The following CNTNAP4 variants were observed in gnomAD, a reference collection of about 807,000 sequenced individuals.
The protein encoded by CNTNAP4 is contactin-associated protein-like 4.
A neutral mutation model predicts 148.4 loss-of-function variants in CNTNAP4; 98 were observed. The ratio of observed to expected loss-of-function variants is 0.66; its 90% CI spans 0.56 to 0.78. The LOEUF is 0.78. Among genes scored for constraint, CNTNAP4 ranks in the 30% least tolerant of loss-of-function variants. CNTNAP4 has a pLI of 0.00. For synonymous variants in CNTNAP4, 730 were observed against 565.1 expected, an observed-to-expected ratio of 1.29 and a Z score of -4.14; for missense variants, 1,935 against 1,565.6, an observed-to-expected ratio of 1.24 and a Z score of -3.98.
chr16:76,452,114 G>A (rs1464330843), intron 7 of CNTNAP4, among the ~76,000 whole-genome samples: 2 of 151,640 alleles, frequency 1.3e-5, no homozygotes, highest in South Asian at 2.1e-4. Context: ...ACACATATGG[G>A]TTAGTGTAGT....
rs1377115428 is a variant in CNTNAP4 at position 76,538,134 on chromosome 16, G to C, written c.3014G>C (p.Gly1005Ala). The change falls in exon 19 of 24, where the codon GGA becomes GCA. Residue 1005 changes from glycine (G) to alanine (A), a missense_variant. Gly to Ala is a moderately conservative substitution (Grantham distance 60). Coordinates refer to ENST00000611870, the MANE Select transcript of CNTNAP4 (RefSeq NM_033401.5). ...FCSNEISAYF[G>A]SGSSVIYNFQ... ...ATTTCAGAGATTTCTGCATATTTTGGATCTGGCTCATCCGTGATATACAAT... is the reference window on the plus strand; with the variant it reads ...ATTTCAGAGATTTCTGCATATTTTGCATCTGGCTCATCCGTGATATACAAT... The C allele has an allele frequency of 1.3e-6, 2 of 1,498,648 alleles. No homozygotes were observed. 92.8% of individuals were successfully genotyped at this position (1,498,648 alleles called of 1,614,324 possible). A position where few individuals can be genotyped will look rare whatever the true frequency, so the allele number is the denominator to read the frequency against.
intron 21 of CNTNAP4, among the ~76,000 whole-genome samples, chr16:76,547,112 G>A (rs2084772105): frequency 6.6e-6 from 1 of 152,166 alleles, no homozygotes; most frequent in Non-Finnish European, 1.5e-5. Context: ...CAATGCCGAA[G>A]TGACTGACTT....
chr16:76,409,279 G>A (rs1222253710), intron 3 of CNTNAP4, among the ~76,000 whole-genome samples: 2 of 151,724 alleles, frequency 1.3e-5, no homozygotes, highest in African/African-American at 4.8e-5. Context: ...AACACTTATG[G>A]TTATTCTATA....
chr16:76,489,393 A>T (rs982601245), intron 12 of CNTNAP4, among the ~76,000 whole-genome samples: 3 of 152,200 alleles, frequency 2.0e-5, no homozygotes, highest in African/African-American at 7.2e-5. Context: ...TCACAAAAAT[A>T]ATCAGATTTC....
chr16:76,334,692 T>C lies in CNTNAP4; in HGVS notation c.196+18169T>C, dbSNP rs60081506. Among the ~76,000 whole-genome samples, 11 of 152,292 alleles carry C rather than the reference T, an allele frequency of 7.2e-5. No homozygotes were observed. The East Asian group carries it at 1.9e-3, about 27-fold the overall frequency. On this transcript the variant is annotated intron_variant, in intron 2 of 23. Coordinates refer to ENST00000611870, the MANE Select transcript of CNTNAP4 (RefSeq NM_033401.5). ...TGTTATCCTTTGGGAAAAAGTACAG[T>C]ATGCTATTTGCAAAATCCATCTATC...
chr16:76,364,024 C>T (rs149348547), intron 3 of CNTNAP4, among the ~76,000 whole-genome samples: 1,833 of 151,664 alleles, frequency 0.012, 35 homozygotes, highest in African/African-American at 0.037. Flanking sequence ...ATCACTTGAG[C>T]CCAGGAGTTT....
At chr16:76,402,103 A>G (rs1050776392) in intron 3 of CNTNAP4, among the ~76,000 whole-genome samples, 1 of 152,140 alleles carries the variant, frequency 6.6e-6, no homozygotes, top group Non-Finnish European at 1.5e-5. Context: ...TTTGGAAATC[A>G]TATCATTGGG....
At chr16:76,381,085 T>C (rs1024421216) in intron 3 of CNTNAP4, among the ~76,000 whole-genome samples, 1 of 152,226 alleles carries the variant, frequency 6.6e-6, no homozygotes, top group Non-Finnish European at 1.5e-5. Flanking sequence ...CAATTACTTT[T>C]GCATAAAACT....
intron 12 of CNTNAP4, among the ~76,000 whole-genome samples, chr16:76,481,048 T>G (rs2081809421): frequency 6.6e-6 from 1 of 152,110 alleles, no homozygotes; most frequent in Non-Finnish European, 1.5e-5. Flanking sequence ...GATAAACAAA[T>G]AAACCAATAA....
chr16:76,391,621 G>C (rs1342286935), intron 3 of CNTNAP4, among the ~76,000 whole-genome samples: 2 of 152,146 alleles, frequency 1.3e-5, no homozygotes, highest in African/African-American at 2.4e-5. Flanking sequence ...CAGACTCCAA[G>C]ATCCCACTTC....
At chr16:76,510,439 T>C (rs951521767) in intron 15 of CNTNAP4, among the ~76,000 whole-genome samples, 1 of 151,534 alleles carries the variant, frequency 6.6e-6, no homozygotes, top group African/African-American at 2.4e-5. Flanking sequence ...TTGGATATTA[T>C]GATAAGGCTT....
chr16:76,551,351 T>C (rs1403181904), intron 21 of CNTNAP4, among the ~76,000 whole-genome samples: 1 of 151,236 alleles, frequency 6.6e-6, no homozygotes, highest in African/African-American at 2.4e-5. Context: ...GGAGCTGAGA[T>C]CGTGCCACAT....
chr16:76,348,195 T>A (rs909908564), intron 2 of CNTNAP4, among the ~76,000 whole-genome samples: 5 of 151,906 alleles, frequency 3.3e-5, no homozygotes, highest in African/African-American at 1.2e-4. Context: ...ACTCTTTTTT[T>A]TTTTTTTGTA....
Position 76,489,835 on chromosome 16 carries a change from CAGG to C in CNTNAP4, c.2035_2037del (p.Glu679del). ...TATTAACCGTGCAGAGCACTGTGAA[CAGG>C]AGTTTACTTATTACTGCAAGAAGTC... is the stretch of plus-strand genomic sequence containing the variant. On this transcript the variant is annotated inframe_deletion, in exon 13 of 24. Coordinates refer to ENST00000611870, the MANE Select transcript of CNTNAP4 (RefSeq NM_033401.5). The C allele has an allele frequency of 6.3e-7, 1 of 1,596,346 alleles. No individual in the cohort carries two copies. Among genetic ancestry groups the C allele is most frequent in the African/African-American group, 1.3e-5 (1 of 74,712 alleles).
At chr16:76,403,940 T>C (rs1263395193) in intron 3 of CNTNAP4, among the ~76,000 whole-genome samples, 1 of 152,104 alleles carries the variant, frequency 6.6e-6, no homozygotes, top group African/African-American at 2.4e-5. Flanking sequence ...AGCAAACTAA[T>C]GTAGGAACAG....
At chr16:76,456,084 T>C (rs1000575985) in intron 8 of CNTNAP4, among the ~76,000 whole-genome samples, 31 of 147,454 alleles carry the variant, frequency 2.1e-4, no homozygotes, top group African/African-American at 7.5e-4. Flanking sequence ...AACACTTCCA[T>C]CTACTATTCC....
chr16:76,339,122 C>T (rs145525727), intron 2 of CNTNAP4, among the ~76,000 whole-genome samples: 1 of 151,910 alleles, frequency 6.6e-6, no homozygotes, highest in Non-Finnish European at 1.5e-5. Flanking sequence ...TCAGAATATG[C>T]GATTAGGGAG....
chr16:76,449,425 G>A (rs73617602), intron 6 of CNTNAP4, among the ~76,000 whole-genome samples: 2,352 of 152,120 alleles, frequency 0.015, 67 homozygotes, highest in African/African-American at 0.053. Context: ...ATTATAATTG[G>A]TTATAGTATT....
intron 19 of CNTNAP4, 104 bp from the exon 20 acceptor site, chr16:76,539,615 C>A: frequency 1.1e-6 from 1 of 949,046 alleles, no homozygotes; most frequent in Non-Finnish European, 1.6e-6. Flanking sequence ...CCAATTTTTC[C>A]CTCGAAATGA....
Sources: allele counts gnomAD v4.1 joint callset (sites outside exome capture counted in the v4.1 genomes callset), GRCh38; gene constraint gnomAD v4.1.1; transcripts MANE v1.5; gene names NCBI Gene and HGNC (gene_info 2026-07-23, HGNC 2026-07-21).